OR4K2: variants seen among roughly 807,000 people sequenced by gnomAD.
OR4K2 encodes the protein olfactory receptor 4K2.
Under a neutral mutation model 10.5 loss-of-function variants are expected in OR4K2, and 8 were observed. That is an observed-to-expected ratio of 0.76 (90% CI 0.45 to 1.37). OR4K2 has a LOEUF of 1.37. Ranked by LOEUF, OR4K2 falls within the 40% of genes most tolerant of loss-of-function variation. The probability of loss-of-function intolerance (pLI) is 0.00; values close to 1 mark genes in which losing one functional copy is unlikely to be tolerated. For synonymous variants in OR4K2, 178 were observed against 133.6 expected (o/e 1.33, Z -2.29); for missense variants, 547 against 379.5 (o/e 1.44, Z -3.67).
In OR4K2 at chr14:19,878,929, T is replaced by C. The variant is rs1880974695; in HGVS notation, c.*1717T>C. 1 of 152,256 alleles carries C rather than the reference T, an allele frequency of 6.6e-6. No individual in the cohort carries two copies. The highest frequency in any genetic ancestry group is 1.9e-4 in the East Asian group (1 of 5,204). 9.4% of individuals were successfully genotyped at this position (152,256 alleles called of 1,614,324 possible). On this transcript the variant is annotated 3_prime_UTR_variant, in exon 2 of 2. Coordinates refer to ENST00000641885, the MANE Select transcript of OR4K2 (RefSeq NM_001005501.2). ...AGAAATAATTCTTTTACTTGACATA[T>C]TTCTTTGTCCAGGGAATATTTTCAA... is the stretch of plus-strand genomic sequence containing the variant.
In OR4K2 at chr14:19,882,932, A is replaced by G. The variant is rs536205026; in HGVS notation, c.*5720A>G. ...AAACTCTGCCTTCCGGATTCACGCCATTCTCCTGCCTCAGCCTCCTGAGTA... is the reference window on the plus strand; with the variant it reads ...AAACTCTGCCTTCCGGATTCACGCCGTTCTCCTGCCTCAGCCTCCTGAGTA... On this transcript the variant is annotated 3_prime_UTR_variant, in exon 2 of 2. Transcript: ENST00000641885. 4.1e-5 allele frequency: 6 copies of G among 146,136 alleles called. 1 individual carries two copies. The highest frequency in any genetic ancestry group is 2.0e-4 in the East Asian group (1 of 4,944). The allele number at this position is 146,136 out of a possible 1,614,324, so 9.1% of individuals were successfully genotyped here.
At position 19,875,436 on chromosome 14, in the gene OR4K2, C is replaced by A. The variant is rs1371061457; in HGVS notation, c.-722C>A. 6.6e-6 allele frequency: 1 copy of A among 152,170 alleles called. No homozygotes were observed. The highest frequency in any genetic ancestry group is 1.9e-4 in the East Asian group (1 of 5,200). The allele number at this position is 152,170 out of a possible 1,614,324, so 9.4% of individuals were successfully genotyped here. A position where few individuals can be genotyped will look rare whatever the true frequency, so the allele number is the denominator to read the frequency against. On this transcript the variant is annotated 5_prime_UTR_variant, in exon 1 of 2. Coordinates refer to ENST00000641885, the MANE Select transcript of OR4K2 (RefSeq NM_001005501.2). ...AACATTTACAGAAGAAGAATTCAAA[C>A]AGAGGTGAAATGAAAGAGACTGATC...
rs954279662 is a variant in OR4K2 at position 19,879,407 on chromosome 14, T to C, written c.*2195T>C. On this transcript the variant is annotated 3_prime_UTR_variant, in exon 2 of 2. Coordinates refer to ENST00000641885, the MANE Select transcript of OR4K2 (RefSeq NM_001005501.2). ...ACATGGCCATGGACTCGTTAAGCAATAGTAAGGATGGTGCCAGCTGCCACC... is the reference window on the plus strand; with the variant it reads ...ACATGGCCATGGACTCGTTAAGCAACAGTAAGGATGGTGCCAGCTGCCACC... The C allele has an allele frequency of 6.6e-6, 1 of 152,226 alleles. No individual in the cohort carries two copies. Among genetic ancestry groups the C allele is most frequent in the African/African-American group, 2.4e-5 (1 of 41,438 alleles). 9.4% of individuals were successfully genotyped at this position (152,226 alleles called of 1,614,324 possible). A position where few individuals can be genotyped will look rare whatever the true frequency, so the allele number is the denominator to read the frequency against.
rs1175218840 is a variant in OR4K2 at position 19,881,850 on chromosome 14, A to T, written c.*4638A>T. On this transcript the variant is annotated 3_prime_UTR_variant, in exon 2 of 2. Coordinates refer to ENST00000641885, the MANE Select transcript of OR4K2 (RefSeq NM_001005501.2). Reference sequence around the variant, plus strand: ...TTTTTAGTTTGAGACTAGAAATAGCAATTTAATTAGTAATTTGTTTTTATA... The same window carrying T: ...TTTTTAGTTTGAGACTAGAAATAGCTATTTAATTAGTAATTTGTTTTTATA... 1 of 151,852 alleles carries T rather than the reference A, an allele frequency of 6.6e-6. No homozygotes were observed. The highest frequency in any genetic ancestry group is 1.5e-5 in the Non-Finnish European group (1 of 67,988). 9.4% of individuals were successfully genotyped at this position (151,852 alleles called of 1,614,324 possible). A position where few individuals can be genotyped will look rare whatever the true frequency, so the allele number is the denominator to read the frequency against.
Position 19,879,312 on chromosome 14 carries a change from G to C in OR4K2, c.*2100G>C, listed in dbSNP as rs1880983876. 1 of 152,116 alleles carries C rather than the reference G, an allele frequency of 6.6e-6. No individual in the cohort carries two copies. The highest frequency in any genetic ancestry group is 6.6e-5 in the Admixed American group (1 of 15,264). 9.4% of individuals were successfully genotyped at this position (152,116 alleles called of 1,614,324 possible). The stretch of plus-strand genomic sequence containing the variant: ...TCTTAGTTAGGACTTTAGGACTCAT[G>C]GTGGTTGGTTTTATCGATATATCTC... On this transcript the variant is annotated 3_prime_UTR_variant, in exon 2 of 2. Coordinates refer to ENST00000641885, the MANE Select transcript of OR4K2 (RefSeq NM_001005501.2).
chr14:19,876,027 T>C lies in OR4K2; in HGVS notation c.-131T>C, dbSNP rs1317528520. 1 of 468,176 alleles carries C rather than the reference T, an allele frequency of 2.1e-6. No homozygotes were observed. The highest frequency in any genetic ancestry group is 3.6e-5 in the East Asian group (1 of 27,456). The allele number at this position is 468,176 out of a possible 1,614,324, so 29.0% of individuals were successfully genotyped here. A position where few individuals can be genotyped will look rare whatever the true frequency, so the allele number is the denominator to read the frequency against. On this transcript the variant is annotated 5_prime_UTR_variant, in exon 1 of 2. Transcript: ENST00000641885. ...CCATTAGTATCAGAAAAGAAAGTGTTCTTTTCAATACCTATGATTTAAGGA... is the reference window on the plus strand; with the variant it reads ...CCATTAGTATCAGAAAAGAAAGTGTCCTTTTCAATACCTATGATTTAAGGA...
chr14:19,882,818 C>CTTTTTTTTTTTTTTTTTTTTTTTTTTTTT lies in OR4K2; in HGVS notation c.*5616_*5617insTTTTTTTTTTTTTTTTTTTTTTTTTTTTT. The stretch of plus-strand genomic sequence containing the variant: ...TTCTGTATAATTTATCTTTCTTTTT[C>CTTTTTTTTTTTTTTTTTTTTTTTTTTTTT]TTTTTTTTTTCTTTTTTTTTTTTTT... On this transcript the variant is annotated 3_prime_UTR_variant, in exon 2 of 2. Transcript: ENST00000641885. 7.0e-6 allele frequency: 1 copy of CTTTTTTTTTTTTTTTTTTTTTTTTTTTTT among 142,106 alleles called. No homozygotes were observed. The allele number at this position is 142,106 out of a possible 1,614,324, so 8.8% of individuals were successfully genotyped here.
In OR4K2 at chr14:19,876,234, T is replaced by TC. The variant is rs779705431; in HGVS notation, c.-23-10dup. 2.7e-5 allele frequency: 22 copies of TC among 814,018 alleles called. No homozygotes were observed. In the African/African-American group the frequency reaches 3.8e-4, roughly 14 times the overall value. The allele number at this position is 814,018 out of a possible 1,614,324, so 50.4% of individuals were successfully genotyped here. A position where few individuals can be genotyped will look rare whatever the true frequency, so the allele number is the denominator to read the frequency against. ...CTTTCCTTTTTTTTTTTTTTTTTTTTCGTGATACAGGCTTCTGCCTATGAA... is the reference window on the plus strand; with the variant it reads ...CTTTCCTTTTTTTTTTTTTTTTTTTTCCGTGATACAGGCTTCTGCCTATGAA... On this transcript the variant is annotated splice_polypyrimidine_tract_variant and intron_variant, in intron 1 of 1. Coordinates refer to ENST00000641885, the MANE Select transcript of OR4K2 (RefSeq NM_001005501.2).
chr14:19,876,500 C>A lies in OR4K2; in HGVS notation c.233C>A (p.Thr78Asn). 1 of 1,614,082 alleles carries A rather than the reference C, an allele frequency of 6.2e-7. No individual in the cohort carries two copies. The highest frequency in any genetic ancestry group is 8.5e-7 in the Non-Finnish European group (1 of 1,179,924). Residue 78 changes from threonine (T) to asparagine (N), a missense_variant, in exon 2 of 2, where the codon ACC becomes AAC. By Grantham distance (65) the Thr-to-Asn change is moderately conservative. Coordinates refer to ENST00000641885, the MANE Select transcript of OR4K2 (RefSeq NM_001005501.2). ...IIDMSLASFATPKMITDYLTG... is the reference protein window; with the variant it reads ...IIDMSLASFANPKMITDYLTG... ...GATATGTCTCTTGCTTCTTTCGCCA[C>A]CCCAAAGATGATTACAGATTACCTA...
chr14:19,876,582 C>T lies in OR4K2; in HGVS notation c.315C>T (p.His105=), dbSNP rs545213782. The T allele has an allele frequency of 4.3e-6, 7 of 1,614,176 alleles. No homozygotes were observed. The East Asian group carries it at 1.6e-4, about 36-fold the overall frequency. ...GCCTTACCCAGATATTCTTTCTCCA[C>T]CTTTTCACTGGAACTGAGATCATCT... is the stretch of plus-strand genomic sequence containing the variant. ...DGCLTQIFFL[H]LFTGTEIILL... is the part of the protein sequence containing the mutation. The change falls in exon 2 of 2, where the codon CAC becomes CAT. Residue 105 remains histidine (H), a synonymous_variant. Transcript: ENST00000641885.
rs1157837043 is a variant in OR4K2, at chr14:19,880,584, T to C, written c.*3372T>C. 1.3e-5 allele frequency: 2 copies of C among 152,260 alleles called. No individual in the cohort carries two copies. The highest frequency in any genetic ancestry group is 2.1e-4 in the South Asian group (1 of 4,838). The allele number at this position is 152,260 out of a possible 1,614,324, so 9.4% of individuals were successfully genotyped here. ...GTCTGTATATGTGTGTCAGTATTAATTTGAAAAATTAAAAGTAACTTCCAC... is the reference window on the plus strand; with the variant it reads ...GTCTGTATATGTGTGTCAGTATTAACTTGAAAAATTAAAAGTAACTTCCAC... On this transcript the variant is annotated 3_prime_UTR_variant, in exon 2 of 2. Transcript: ENST00000641885.
rs771726135 is a variant in OR4K2 at position 19,876,470 on chromosome 14, T to G, written c.203T>G (p.Ile68Ser). Residue 68 changes from isoleucine (I) to serine (S), a missense_variant, in exon 2 of 2, where the codon ATC becomes AGC. Ile to Ser is a moderately radical substitution (Grantham distance 142). Coordinates refer to ENST00000641885, the MANE Select transcript of OR4K2 (RefSeq NM_001005501.2). ...PMYFLLTNLS[I>S]IDMSLASFAT... ...TATTTCCTGCTTACCAATCTTTCAA[T>G]CATTGATATGTCTCTTGCTTCTTTC... 1 of 1,614,182 alleles carries G rather than the reference T, an allele frequency of 6.2e-7. No individual in the cohort carries two copies. Among genetic ancestry groups the G allele is most frequent in the Admixed American group, 1.7e-5 (1 of 60,022 alleles).
Position 19,881,523 on chromosome 14 carries a change from A to T in OR4K2, c.*4311A>T, listed in dbSNP as rs1232801612. 5.9e-5 allele frequency: 9 copies of T among 151,948 alleles called. No individual in the cohort carries two copies. The highest frequency in any genetic ancestry group is 2.2e-4 in the African/African-American group (9 of 41,332). The allele number at this position is 151,948 out of a possible 1,614,324, so 9.4% of individuals were successfully genotyped here. A position where few individuals can be genotyped will look rare whatever the true frequency, so the allele number is the denominator to read the frequency against. On this transcript the variant is annotated 3_prime_UTR_variant, in exon 2 of 2. Coordinates refer to ENST00000641885, the MANE Select transcript of OR4K2 (RefSeq NM_001005501.2). ...TTGTAAAACAAACAAATAAATTCCA[A>T]TATCTAGTATGCACTAAAATACTAT...
rs918025268 is a variant in OR4K2 at position 19,878,324 on chromosome 14, A to C, written c.*1112A>C. ...CATCTTTAAATGATGGCAAACATTC[A>C]TGAGTTAACTCTTATTTAGAATTTT... On this transcript the variant is annotated 3_prime_UTR_variant, in exon 2 of 2. Transcript: ENST00000641885. The C allele has an allele frequency of 2.0e-5, 3 of 152,210 alleles. No individual in the cohort carries two copies. Among genetic ancestry groups the C allele is most frequent in the African/African-American group, 7.2e-5 (3 of 41,472 alleles). The allele number at this position is 152,210 out of a possible 1,614,324, so 9.4% of individuals were successfully genotyped here.
In OR4K2 at chr14:19,875,730, C is replaced by G. The variant is rs1418228783; in HGVS notation, c.-428C>G. ...CTGGGAATACTTTAACAGTTCATCTCTGGAAATTTACAAGAGCTCTACAAC... is the reference window on the plus strand; with the variant it reads ...CTGGGAATACTTTAACAGTTCATCTGTGGAAATTTACAAGAGCTCTACAAC... On this transcript the variant is annotated 5_prime_UTR_variant, in exon 1 of 2. Coordinates refer to ENST00000641885, the MANE Select transcript of OR4K2 (RefSeq NM_001005501.2). The G allele has an allele frequency of 6.6e-6, 1 of 152,562 alleles. No homozygotes were observed. The highest frequency in any genetic ancestry group is 1.5e-5 in the Non-Finnish European group (1 of 68,286). The allele number at this position is 152,562 out of a possible 1,614,324, so 9.5% of individuals were successfully genotyped here. A position where few individuals can be genotyped will look rare whatever the true frequency, so the allele number is the denominator to read the frequency against.
chr14:19,880,064 T>C lies in OR4K2; in HGVS notation c.*2852T>C, dbSNP rs529575113. 3 of 152,784 alleles carry C rather than the reference T, an allele frequency of 2.0e-5. No individual in the cohort carries two copies. The East Asian group carries it at 5.8e-4, about 29-fold the overall frequency. 9.5% of individuals were successfully genotyped at this position (152,784 alleles called of 1,614,324 possible). A position where few individuals can be genotyped will look rare whatever the true frequency, so the allele number is the denominator to read the frequency against. On this transcript the variant is annotated 3_prime_UTR_variant, in exon 2 of 2. Transcript: ENST00000641885. ...GAAACATTATAAGATTTTCTTGTGA[T>C]TTTTTTGTAAAGCTCATCAGCTATC... is the stretch of plus-strand genomic sequence containing the variant.
chr14:19,877,117 C>A lies in OR4K2; in HGVS notation c.850C>A (p.Pro284Thr). The A allele has an allele frequency of 6.2e-7, 1 of 1,606,904 alleles. No homozygotes were observed. The highest frequency in any genetic ancestry group is 8.5e-7 in the Non-Finnish European group (1 of 1,179,774). ...FYTIFTPTLN[P>T]IIYTLRNQEV... is the part of the protein sequence containing the mutation. ...TACCATCTTTACTCCCACTCTGAACCCAATAATCTATACTTTGAGGAATCA... is the reference window on the plus strand; with the variant it reads ...TACCATCTTTACTCCCACTCTGAACACAATAATCTATACTTTGAGGAATCA... Residue 284 changes from proline to threonine, a missense_variant, in exon 2 of 2, where the codon CCA becomes ACA. Coordinates refer to ENST00000641885, the MANE Select transcript of OR4K2 (RefSeq NM_001005501.2).
In OR4K2 at chr14:19,882,560, C is replaced by T. The variant is rs1195624493; in HGVS notation, c.*5348C>T. The T allele has an allele frequency of 1.3e-5, 2 of 152,198 alleles. No homozygotes were observed. Among genetic ancestry groups the T allele is most frequent in the African/African-American group, 4.8e-5 (2 of 41,444 alleles). 9.4% of individuals were successfully genotyped at this position (152,198 alleles called of 1,614,324 possible). A position where few individuals can be genotyped will look rare whatever the true frequency, so the allele number is the denominator to read the frequency against. On this transcript the variant is annotated 3_prime_UTR_variant, in exon 2 of 2. Transcript: ENST00000641885. The stretch of plus-strand genomic sequence containing the variant: ...ACCATTATAATCACATTTCAAGTCA[C>T]AAAATAGAACTTCGCCAGCCACCCC...
chr14:19,883,640 A>G lies in OR4K2; in HGVS notation c.*6428A>G, dbSNP rs892415553. On this transcript the variant is annotated 3_prime_UTR_variant, in exon 2 of 2. Coordinates refer to ENST00000641885, the MANE Select transcript of OR4K2 (RefSeq NM_001005501.2). Reference sequence around the variant, plus strand: ...GTAGTTAAATAATTAAATAGTAGTTAAAGTAATTAAATAGGACTCTATTGC... The same window carrying G: ...GTAGTTAAATAATTAAATAGTAGTTGAAGTAATTAAATAGGACTCTATTGC... The G allele has an allele frequency of 6.6e-6, 1 of 152,222 alleles. No homozygotes were observed. Among genetic ancestry groups the G allele is most frequent in the African/African-American group, 2.4e-5 (1 of 41,480 alleles). 9.4% of individuals were successfully genotyped at this position (152,222 alleles called of 1,614,324 possible).
Sources: allele counts gnomAD v4.1 joint callset, GRCh38; gene constraint gnomAD v4.1.1; transcripts MANE v1.5; gene names NCBI Gene and HGNC (gene_info 2026-07-23, HGNC 2026-07-21).